TMTC1: variants seen among roughly 807,000 people sequenced by gnomAD.
TMTC1 encodes transmembrane O-mannosyltransferase targeting cadherins 1, also known as protein O-mannosyl-transferase TMTC1.
Under a neutral mutation model 104.8 loss-of-function variants are expected in TMTC1, and 73 were observed. That is an observed-to-expected ratio of 0.70 (90% confidence interval 0.58 to 0.85). The LOEUF is 0.85. Ranked by LOEUF, TMTC1 falls within the 40% of genes least tolerant of loss-of-function variation. TMTC1 has a pLI of 0.00. For missense variants in TMTC1, 1,035 were observed against 1,096.1 expected, an observed-to-expected ratio of 0.94 and a Z score of 0.79; for synonymous variants, 434 against 428.7, an observed-to-expected ratio of 1.01 and a Z score of -0.15.
Position 29,617,401 on chromosome 12 carries a change from A to G in TMTC1, c.1129-13102T>C, listed in dbSNP as rs140361165. On this transcript the variant is annotated intron_variant, in intron 6 of 17. Coordinates refer to ENST00000539277, the MANE Select transcript of TMTC1 (RefSeq NM_001193451.2). ...ATATGTTTCATTGCCATCTAAAAAG[A>G]TAGTCTCTTTGGGCACTGTACTTAC... Among the ~76,000 whole-genome samples the G allele has an allele frequency of 5.5e-4, 83 of 152,272 alleles. 1 individual carries two copies. The highest frequency in any genetic ancestry group is 1.8e-3 in the African/African-American group (73 of 41,560).
At chr12:29,565,638 G>A (rs867992534) in intron 9 of TMTC1, among the ~76,000 whole-genome samples, 3 of 152,328 alleles carry the variant, frequency 2.0e-5, no homozygotes, top group African/African-American at 7.2e-5. Context: ...CATGAGGTCA[G>A]GAGTTCAAGA....
chr12:29,615,089 G>C (rs1946943117), intron 6 of TMTC1, among the ~76,000 whole-genome samples: 1 of 152,324 alleles, frequency 6.6e-6, no homozygotes, highest in South Asian at 2.1e-4. Context: ...CCAGAGTCCT[G>C]GGTTATAAGC....
At chr12:29,721,762 C>T (rs1942242759) in intron 5 of TMTC1, among the ~76,000 whole-genome samples, 1 of 151,882 alleles carries the variant, frequency 6.6e-6, no homozygotes, top group Non-Finnish European at 1.5e-5. Flanking sequence ...CTATTGACAA[C>T]CCTAAAAAGC....
intron 5 of TMTC1, among the ~76,000 whole-genome samples, chr12:29,647,119 T>C (rs1008411036): frequency 3.3e-5 from 5 of 151,920 alleles, no homozygotes; most frequent in African/African-American, 1.2e-4. Context: ...GCCTCCCGGG[T>C]TCAAGCAATT....
intron 5 of TMTC1, among the ~76,000 whole-genome samples, chr12:29,728,789 G>T (rs1357392672): frequency 6.6e-6 from 1 of 151,230 alleles, no homozygotes; most frequent in Non-Finnish European, 1.5e-5. Context: ...ACGAGGTCAG[G>T]AGTTTGAGAC....
At chr12:29,622,759 A>C (rs1238538089) in intron 6 of TMTC1, among the ~76,000 whole-genome samples, 1 of 152,204 alleles carries the variant, frequency 6.6e-6, no homozygotes, top group African/African-American at 2.4e-5. Context: ...TATAAATTCA[A>C]ATGCCTTTCT....
intron 5 of TMTC1, among the ~76,000 whole-genome samples, chr12:29,669,404 C>G (rs1940416274): frequency 6.6e-6 from 1 of 152,092 alleles, no homozygotes; most frequent in Non-Finnish European, 1.5e-5. Context: ...AGAGATAACC[C>G]CATCTGATTT....
chr12:29,646,116 T>C (rs2136576063), intron 5 of TMTC1, among the ~76,000 whole-genome samples: 1 of 152,198 alleles, frequency 6.6e-6, no homozygotes, highest in Non-Finnish European at 1.5e-5. Flanking sequence ...GGAAATAAGG[T>C]GGGTGAAATG....
chr12:29,528,857 T>C (rs1944419837), intron 11 of TMTC1, among the ~76,000 whole-genome samples: 1 of 152,006 alleles, frequency 6.6e-6, no homozygotes. Flanking sequence ...GCTAGTTTAC[T>C]TAATCATAAA....
intron 8 of TMTC1, 48 bp from the exon 9 acceptor site, chr12:29,572,266 T>C (rs1297553401): frequency 4.9e-6 from 7 of 1,419,684 alleles, no homozygotes; most frequent in South Asian, 4.7e-5. Flanking sequence ...AAGAATATTA[T>C]TGTCAGATTC....
chr12:29,717,357 C>G (rs533969378), intron 5 of TMTC1, among the ~76,000 whole-genome samples: 1 of 152,274 alleles, frequency 6.6e-6, no homozygotes, highest in South Asian at 2.1e-4. Context: ...GAGCCCTCTT[C>G]TTAGCCTGAA....
chr12:29,714,429 T>C (rs1942022345), intron 5 of TMTC1, among the ~76,000 whole-genome samples: 1 of 152,184 alleles, frequency 6.6e-6, no homozygotes, highest in Non-Finnish European at 1.5e-5. Flanking sequence ...AGGATATTCT[T>C]AAGTGAAAAT....
chr12:29,751,194 G>A (rs1943081399), intron 5 of TMTC1, among the ~76,000 whole-genome samples: 1 of 152,068 alleles, frequency 6.6e-6, no homozygotes, highest in African/African-American at 2.4e-5. Flanking sequence ...TCACAAAAAA[G>A]GAAGAAAATA....
rs913156623 is a variant in TMTC1, at chr12:29,726,024, A to G, written c.938+25642T>C. 2.6e-5 allele frequency among the ~76,000 whole-genome samples: 4 copies of G among 152,326 alleles called. No homozygotes were observed. In the South Asian group the frequency reaches 8.3e-4, roughly 32 times the overall value. On this transcript the variant is annotated intron_variant, in intron 5 of 17. Transcript: ENST00000539277. ...AGGCCTTTATATACAGAGCCACCTA[A>G]GCCCAGGATTCCACAGCCTGACTGA...
chr12:29,711,419 T>C (rs1317051870), intron 5 of TMTC1, among the ~76,000 whole-genome samples: 2 of 152,170 alleles, frequency 1.3e-5, no homozygotes, highest in East Asian at 3.9e-4. Flanking sequence ...GCACTTTGCT[T>C]TCCTTTCCTC....
At position 29,584,702 on chromosome 12, in the gene TMTC1, T is replaced by C. The variant is rs575042205; in HGVS notation, c.1251-1128A>G. Among the ~76,000 whole-genome samples, 295 of 152,250 alleles carry C rather than the reference T, an allele frequency of 1.9e-3. 1 individual carries two copies. Among genetic ancestry groups the C allele is most frequent in the Middle Eastern group, 6.8e-3 (2 of 294 alleles). The stretch of plus-strand genomic sequence containing the variant: ...AGAACATGCGGTGTTTGGTTTTTTG[T>C]CCTTCTGATAGTTTGCTGAGAATGA... On this transcript the variant is annotated intron_variant, in intron 7 of 17. Transcript: ENST00000539277.
At chr12:29,649,169 C>A (rs978059329) in intron 5 of TMTC1, among the ~76,000 whole-genome samples, 1 of 152,174 alleles carries the variant, frequency 6.6e-6, no homozygotes, top group Non-Finnish European at 1.5e-5. Context: ...TGTTGTCCAT[C>A]AGTTTTACTG....
At position 29,572,093 on chromosome 12, in the gene TMTC1, T is replaced by C. The variant is rs368658195; in HGVS notation, c.1532+12A>G. On this transcript the variant is annotated intron_variant, in intron 9 of 17. Transcript: ENST00000539277. ...AGCACCAAGGCCAACACCCTCCCTG[T>C]GTGGCGCTTACTTGAGAGCTGTTCT... is the stretch of plus-strand genomic sequence containing the variant. The C allele has an allele frequency of 4.8e-4, 775 of 1,606,302 alleles. 1 individual carries two copies. The highest frequency in any genetic ancestry group is 6.4e-4 in the Non-Finnish European group (752 of 1,173,100).
At chr12:29,556,734 C>T (rs1012515411) in intron 10 of TMTC1, 123 bp downstream of exon 10, 18 of 1,267,610 alleles carry the variant, frequency 1.4e-5, no homozygotes, top group Non-Finnish European at 2.0e-5. Context: ...CTCCCAAAGT[C>T]TGAAAACCCT....
Sources: gnomAD v4.1 joint callset for allele counts (sites outside exome capture counted in the v4.1 genomes callset) on GRCh38, gnomAD v4.1.1 for gene constraint, MANE v1.5 for transcripts, NCBI Gene and HGNC (gene_info 2026-07-23, HGNC 2026-07-21) for gene names.